AHR: variants seen among roughly 807,000 people sequenced by gnomAD.
The protein encoded by AHR is AH-receptor.
In AHR, 40 loss-of-function variants were observed where a neutral mutation model predicts 86.8. The observed-to-expected ratio is 0.46, with a 90% CI of 0.36 to 0.60. The LOEUF is 0.60. Among genes scored for constraint, AHR ranks in the 20% least tolerant of loss-of-function variants. AHR has a pLI of 0.00. For synonymous variants in AHR, 398 were observed against 354.9 expected (o/e 1.12, Z -1.37); for missense variants, 1,001 against 1,011.6 (o/e 0.99, Z 0.14).
intron 9 of AHR, among the ~76,000 whole-genome samples, chr7:17,337,559 C>G: frequency 6.7e-6 from 1 of 150,062 alleles, no homozygotes; most frequent in Admixed American, 6.6e-5. Flanking sequence ...ACTGCAAGCT[C>G]CGCCACCCGG....
intron 6 of AHR, among the ~76,000 whole-genome samples, chr7:17,332,318 T>A (rs1171229833): frequency 6.6e-6 from 1 of 151,912 alleles, no homozygotes; most frequent in Non-Finnish European, 1.5e-5. Flanking sequence ...TTATTTTATT[T>A]TAATCATTAT....
In AHR at chr7:17,339,307, A is replaced by T. The variant is rs771429110; in HGVS notation, c.1482A>T (p.Arg494Ser). ...NFFNESMNECRNWQDNTAPMG... is the reference protein window; with the variant it reads ...NFFNESMNECSNWQDNTAPMG... ...TCAACGAATCTATGAATGAATGCAG[A>T]AATTGGCAAGATAATACTGCACCGA... Residue 494 changes from arginine (R) to serine (S), a missense_variant, in exon 10 of 11, where the codon AGA becomes AGT. Coordinates refer to ENST00000242057, the MANE Select transcript of AHR (RefSeq NM_001621.5). The T allele has an allele frequency of 6.2e-7, 1 of 1,613,684 alleles. No individual in the cohort carries two copies. Among genetic ancestry groups the T allele is most frequent in the East Asian group, 2.2e-5 (1 of 44,902 alleles).
chr7:17,320,056 T>G (rs143316257), intron 2 of AHR, among the ~76,000 whole-genome samples: 2 of 152,114 alleles, frequency 1.3e-5, no homozygotes, highest in Non-Finnish European at 2.9e-5. Flanking sequence ...TTCCTACTTA[T>G]GTAGTAGTTA....
At position 17,327,801 on chromosome 7, in the gene AHR, G is replaced by A; in HGVS notation, c.403G>A (p.Val135Ile). 6.3e-7 allele frequency: 1 copy of A among 1,578,258 alleles called. No individual in the cohort carries two copies. Among genetic ancestry groups the A allele is most frequent in the East Asian group, 2.3e-5 (1 of 44,150 alleles). ...ATTAGTTGTCACTACAGATGCTTTG[G>A]TCTTTTATGCTTCTTCTACTATACA... is the stretch of plus-strand genomic sequence containing the variant. ...FVLVVTTDALVFYASSTIQDY... is the reference protein window; with the variant it reads ...FVLVVTTDALIFYASSTIQDY... Residue 135 changes from valine (V) to isoleucine (I), a missense_variant, in exon 4 of 11, where the codon GTC (valine) becomes ATC (isoleucine). Coordinates refer to ENST00000242057, the MANE Select transcript of AHR (RefSeq NM_001621.5).
chr7:17,328,840 A>C (rs962605600), intron 4 of AHR, among the ~76,000 whole-genome samples: 1 of 151,960 alleles, frequency 6.6e-6, no homozygotes, highest in Non-Finnish European at 1.5e-5. Context: ...TAATACTAGA[A>C]GATTAGGTTC....
At chr7:17,335,064 C>G in intron 8 of AHR, 68 bp downstream of exon 8, 3 of 1,150,122 alleles carry the variant, frequency 2.6e-6, no homozygotes, top group Non-Finnish European at 3.8e-6. Flanking sequence ...GTTTCAAATT[C>G]TTACGTAATG....
At chr7:17,307,221 C>T (rs1314393043) in intron 1 of AHR, among the ~76,000 whole-genome samples, 1 of 151,854 alleles carries the variant, frequency 6.6e-6, no homozygotes, top group Non-Finnish European at 1.5e-5. Flanking sequence ...CTTGTTTCAG[C>T]GTTTGTGTCA....
chr7:17,330,806 C>G lies in AHR; in HGVS notation c.625C>G (p.Pro209Ala). 2 of 1,612,394 alleles carry G rather than the reference C, an allele frequency of 1.2e-6. No individual in the cohort carries two copies. The highest frequency in any genetic ancestry group is 1.7e-5 in the Admixed American group (1 of 59,854). The change falls in exon 6 of 11, where the codon CCT (proline) becomes GCT (alanine). Residue 209 changes from proline to alanine, a missense_variant. By Grantham distance (27) the Pro-to-Ala change is conservative (BLOSUM62 -1). Transcript: ENST00000242057. ...TVVCYNPDQI[P>A]PENSPLMERC... Reference sequence around the variant, plus strand: ...AGTCTGTTATAACCCAGACCAGATTCCTCCAGAAAACTCTCCTTTAATGGA... The same window carrying G: ...AGTCTGTTATAACCCAGACCAGATTGCTCCAGAAAACTCTCCTTTAATGGA...
chr7:17,313,719 T>G (rs948302074), intron 2 of AHR, among the ~76,000 whole-genome samples: 2 of 152,152 alleles, frequency 1.3e-5, no homozygotes, highest in Non-Finnish European at 2.9e-5. Flanking sequence ...CGAAAATAGT[T>G]TCTTTGACAT....
rs1346969977 is a variant in AHR, at chr7:17,309,966, G to A, written c.96G>A (p.Lys32=). Residue 32 remains lysine (K), a synonymous_variant, in exon 2 of 11, where the codon AAG becomes AAA. Coordinates refer to ENST00000242057, the MANE Select transcript of AHR (RefSeq NM_001621.5). The part of the protein sequence containing the change: ...TVKPIPAEGI[K]SNPSKRHRDR... The stretch of plus-strand genomic sequence containing the variant: ...AGCCAATCCCAGCTGAAGGAATCAA[G>A]TCAAATCCTTCCAAGCGGCATAGAG... 1.2e-6 allele frequency: 2 copies of A among 1,603,012 alleles called. No individual in the cohort carries two copies. Among genetic ancestry groups the A allele is most frequent in the Non-Finnish European group, 1.7e-6 (2 of 1,172,234 alleles).
chr7:17,342,436 T>C (rs1782436176), intron 10 of AHR, among the ~76,000 whole-genome samples: 1 of 152,142 alleles, frequency 6.6e-6, no homozygotes, highest in African/African-American at 2.4e-5. Flanking sequence ...TGGTGTAATA[T>C]TTTAGGAATA....
At chr7:17,330,137 G>A in intron 5 of AHR, 62 bp downstream of exon 5, 6 of 1,525,598 alleles carry the variant, frequency 3.9e-6, no homozygotes, top group Non-Finnish European at 5.3e-6. Context: ...TGTGAAAGGA[G>A]GCTGGGAACC....
chr7:17,342,930 G>A lies in AHR; in HGVS notation c.2413G>A (p.Gly805Arg), dbSNP rs1183528392. Residue 805 changes from glycine to arginine, a missense_variant, in exon 11 of 11, where the codon GGA becomes AGA. Gly to Arg is a moderately radical substitution (Grantham distance 125, BLOSUM62 -2). Coordinates refer to ENST00000242057, the MANE Select transcript of AHR (RefSeq NM_001621.5). ...CCATTTTTGTTTTCAGTTTCAGAATGGAGTTTTAAATGAAACATATCCAGC... is the reference window on the plus strand; with the variant it reads ...CCATTTTTGTTTTCAGTTTCAGAATAGAGTTTTAAATGAAACATATCCAGC... ...QQAFLNKFQN[G>R]VLNETYPAEL... is the part of the protein sequence containing the mutation. The A allele has an allele frequency of 1.9e-6, 3 of 1,611,592 alleles. No homozygotes were observed. Among genetic ancestry groups the A allele is most frequent in the Non-Finnish European group, 2.5e-6 (3 of 1,178,884 alleles).
chr7:17,340,612 A>T (rs1782411073), intron 10 of AHR, among the ~76,000 whole-genome samples: 1 of 152,228 alleles, frequency 6.6e-6, no homozygotes, highest in Non-Finnish European at 1.5e-5. Flanking sequence ...CAAGCTTTAA[A>T]AAACGTATTG....
At position 17,299,043 on chromosome 7, in the gene AHR, A is replaced by G. The variant is rs1390531143; in HGVS notation, c.-222A>G. The stretch of plus-strand genomic sequence containing the variant: ...GCCCCTCGCCCACCCTCACTGCGCC[A>G]GGCCCAGGCAGCTCACCTGTACTGG... On this transcript the variant is annotated 5_prime_UTR_variant, in exon 1 of 11. Transcript: ENST00000242057. 1.0e-5 allele frequency: 5 copies of G among 487,010 alleles called. No individual in the cohort carries two copies. The highest frequency in any genetic ancestry group is 4.4e-5 in the Admixed American group (1 of 22,966). The allele number at this position is 487,010 out of a possible 1,614,324, so 30.2% of individuals were successfully genotyped here.
Position 17,339,235 on chromosome 7 carries a change from T to C in AHR, c.1410T>C (p.Tyr470=), listed in dbSNP as rs1782389922. Residue 470 remains tyrosine (Y), a synonymous_variant, in exon 10 of 11, where the codon TAT becomes TAC. Transcript: ENST00000242057. The stretch of plus-strand genomic sequence containing the variant: ...AACAAGATGAGTCTATTTATCTCTA[T>C]CCTGCTTCAAGTACTTCAAGTACTG... ...MMQQDESIYL[Y]PASSTSSTAP... is the part of the protein sequence containing the mutation. The C allele has an allele frequency of 1.9e-6, 3 of 1,614,200 alleles. No homozygotes were observed. The highest frequency in any genetic ancestry group is 2.5e-6 in the Non-Finnish European group (3 of 1,180,032).
At position 17,339,478 on chromosome 7, in the gene AHR, A is replaced by T. The variant is rs1450436421; in HGVS notation, c.1653A>T (p.Glu551Asp). 1.9e-6 allele frequency: 3 copies of T among 1,614,004 alleles called. No individual in the cohort carries two copies. The highest frequency in any genetic ancestry group is 2.5e-6 in the Non-Finnish European group (3 of 1,180,012). Residue 551 changes from glutamate (E) to aspartate (D), a missense_variant, in exon 10 of 11, where the codon GAA (glutamate) becomes GAT (aspartate). This residue lies in a region of AHR where 607 missense variants were observed against 543.1 expected (regional missense o/e 1.12). Coordinates refer to ENST00000242057, the MANE Select transcript of AHR (RefSeq NM_001621.5). ...TGAAAAACCTAGGCATTGATTTTGA[A>T]GACATCAGACACATGCAGAATGAAA... ...SIMKNLGIDF[E>D]DIRHMQNEKF...
intron 1 of AHR, among the ~76,000 whole-genome samples, chr7:17,305,348 G>A (rs1781994863): frequency 6.6e-6 from 1 of 152,154 alleles, no homozygotes; most frequent in South Asian, 2.1e-4. Context: ...GATAAATACG[G>A]ATGCACTGAA....
In AHR at chr7:17,330,803, A is replaced by C. The variant is rs2115364544; in HGVS notation, c.622A>C (p.Ile208Leu). ...QTVVCYNPDQ[I>L]PPENSPLMER... is the part of the protein sequence containing the mutation. The stretch of plus-strand genomic sequence containing the variant: ...AGTAGTCTGTTATAACCCAGACCAG[A>C]TTCCTCCAGAAAACTCTCCTTTAAT... Residue 208 changes from isoleucine to leucine, a missense_variant, in exon 6 of 11, where the codon ATT (isoleucine) becomes CTT (leucine). Ile to Leu is a conservative substitution (Grantham distance 5). Coordinates refer to ENST00000242057, the MANE Select transcript of AHR (RefSeq NM_001621.5). The C allele has an allele frequency of 6.2e-7, 1 of 1,612,490 alleles. No individual in the cohort carries two copies.
Sources: gnomAD v4.1 joint callset for allele counts (sites outside exome capture counted in the v4.1 genomes callset) on GRCh38, gnomAD v4.1.1 for gene constraint, gnomAD v4.1.1 regional missense constraint, MANE v1.5 for transcripts, NCBI Gene and HGNC (gene_info 2026-07-23, HGNC 2026-07-21) for gene names.